CCAR1: variants seen among roughly 807,000 people sequenced by gnomAD.
The protein encoded by CCAR1 is cell division cycle and apoptosis regulator 1, also known as cell division cycle and apoptosis regulator protein 1.
A neutral mutation model predicts 163.8 loss-of-function variants in CCAR1; 78 were observed. That is an observed-to-expected ratio of 0.48 (90% CI 0.40 to 0.57). The LOEUF is 0.57. Ranked by LOEUF, CCAR1 falls within the 20% of genes least tolerant of loss-of-function variation. CCAR1 has a pLI of 0.00. For synonymous variants in CCAR1, 443 were observed against 460.7 expected, an observed-to-expected ratio of 0.96 and a Z score of 0.49; for missense variants, 1,019 against 1,365.2, an observed-to-expected ratio of 0.75 and a Z score of 4.00.
At chr10:68,740,210 C>T (rs1188660183) in intron 4 of CCAR1, among the ~76,000 whole-genome samples, 1 of 152,026 alleles carries the variant, frequency 6.6e-6, no homozygotes, top group Non-Finnish European at 1.5e-5. Context: ...GATGCTATTC[C>T]TGGGAAATAA....
At chr10:68,752,626 T>G (rs758338834) in intron 10 of CCAR1, among the ~76,000 whole-genome samples, 7 of 152,106 alleles carry the variant, frequency 4.6e-5, no homozygotes, top group Admixed American at 2.0e-4. Flanking sequence ...AATCCAGCAC[T>G]TTAGGAGGCT....
In CCAR1 at chr10:68,753,919, G is replaced by T; in HGVS notation, c.1186G>T (p.Asp396Tyr). ...QNLYIPSDFF[D>Y]AQFTWVDAFP... ...TTTGTATATACCTAGTGACTTTTTT[G>T]ATGCTCAATTTACATGGGTGGATGC... is the stretch of plus-strand genomic sequence containing the variant. Residue 396 changes from aspartate (D) to tyrosine (Y), a missense_variant, in exon 11 of 25, where the codon GAT becomes TAT. This residue lies in a region of CCAR1 where 644 missense variants were observed against 904.4 expected (regional missense o/e 0.71). Coordinates refer to ENST00000265872, the MANE Select transcript of CCAR1 (RefSeq NM_018237.4). The T allele has an allele frequency of 1.2e-6, 2 of 1,613,954 alleles. No homozygotes were observed. Among genetic ancestry groups the T allele is most frequent in the Admixed American group, 1.7e-5 (1 of 59,986 alleles).
intron 16 of CCAR1, 126 bp from the exon 17 acceptor site, chr10:68,765,762 C>A (rs772270172): frequency 2.1e-4 from 138 of 645,732 alleles, no homozygotes; most frequent in Non-Finnish European, 3.2e-4. Flanking sequence ...GTATAAGTAC[C>A]ATGAAGAGTC....
In CCAR1 at chr10:68,755,423, G is replaced by T. The variant is rs773008834; in HGVS notation, c.1512G>T (p.Trp504Cys). The T allele has an allele frequency of 6.2e-7, 1 of 1,614,160 alleles. No individual in the cohort carries two copies. The change falls in exon 13 of 25, where the codon TGG (tryptophan) becomes TGT (cysteine). Residue 504 changes from tryptophan to cysteine, a missense_variant. Transcript: ENST00000265872. ...KDEAMAIGGH[W>C]SPSLDGPDPE... ...AAGCTATGGCCATTGGAGGCCACTGGTCTCCTTCGTTGGATGGACCAGACC... is the reference window on the plus strand; with the variant it reads ...AAGCTATGGCCATTGGAGGCCACTGTTCTCCTTCGTTGGATGGACCAGACC...
intron 2 of CCAR1, among the ~76,000 whole-genome samples, chr10:68,731,953 A>G (rs1387783033): frequency 6.6e-6 from 1 of 152,152 alleles, no homozygotes; most frequent in African/African-American, 2.4e-5. Flanking sequence ...AAGTGTGGGT[A>G]TTGGATGTCA....
chr10:68,787,720 A>G, intron 21 of CCAR1: 1 of 414,924 alleles, frequency 2.4e-6, no homozygotes, highest in Non-Finnish European at 4.3e-6. Context: ...CTGTAATACC[A>G]GCTACTCTGG....
At chr10:68,737,721 C>T (rs1379176991) in intron 3 of CCAR1, 124 bp from the exon 4 acceptor site, 3 of 454,692 alleles carry the variant, frequency 6.6e-6, no homozygotes, top group Admixed American at 8.3e-5. Flanking sequence ...TGAATCAATG[C>T]CACACCAGAA....
intron 2 of CCAR1, among the ~76,000 whole-genome samples, chr10:68,730,562 T>C (rs2056023295): frequency 6.6e-6 from 1 of 151,850 alleles, no homozygotes; most frequent in African/African-American, 2.4e-5. Flanking sequence ...GGTTTCGATC[T>C]CTTCACCTTG....
At chr10:68,755,337 A>G in intron 12 of CCAR1, 33 bp from the exon 13 acceptor site, 1 of 1,583,256 alleles carries the variant, frequency 6.3e-7, no homozygotes. Flanking sequence ...CAGGGTGCGT[A>G]ATATATGTAA....
At chr10:68,743,226 TCA>T (rs1458765602) in intron 6 of CCAR1, among the ~76,000 whole-genome samples, 1 of 150,244 alleles carries the variant, frequency 6.7e-6, no homozygotes, top group African/African-American at 2.4e-5. Context: ...AGACAGCGCC[TCA>T]CTCTGTAACT....
intron 16 of CCAR1, among the ~76,000 whole-genome samples, chr10:68,763,150 T>TTTAC (rs1414322687): frequency 1.3e-5 from 2 of 152,016 alleles, no homozygotes; most frequent in African/African-American, 4.8e-5. Flanking sequence ...ACTTTATTTG[T>TTTAC]TTATTTATTT....
intron 12 of CCAR1, 36 bp downstream of exon 12, chr10:68,754,863 T>G (rs1426953671): frequency 2.6e-6 from 3 of 1,133,430 alleles, no homozygotes; most frequent in African/African-American, 3.1e-5. Flanking sequence ...TTAGATGTAT[T>G]CACTTTGCTT....
Position 68,781,002 on chromosome 10 carries a change from C to T in CCAR1, c.2651-5134C>T, listed in dbSNP as rs1351518487. Among the ~76,000 whole-genome samples, 28 of 151,468 alleles carry T rather than the reference C, an allele frequency of 1.8e-4. No individual in the cohort carries two copies. The East Asian group carries it at 4.9e-3, about 26-fold the overall frequency. The stretch of plus-strand genomic sequence containing the variant: ...ATCCCAGCACTTTGGGAGGCTGAGG[C>T]GGGTGGATCATTTGAGGTTAGGAGT... On this transcript the variant is annotated intron_variant, in intron 19 of 24. Coordinates refer to ENST00000265872, the MANE Select transcript of CCAR1 (RefSeq NM_018237.4).
At chr10:68,774,956 T>C (rs2056646134) in intron 19 of CCAR1, 1 of 392,040 alleles carries the variant, frequency 2.6e-6, no homozygotes, top group Non-Finnish European at 4.8e-6. Flanking sequence ...TTACAGTTTG[T>C]GTCTCTGGCA....
chr10:68,791,200 C>T lies in CCAR1; in HGVS notation c.3394-7C>T, dbSNP rs1255132073. On this transcript the variant is annotated splice_polypyrimidine_tract_variant and splice_region_variant and intron_variant, in intron 24 of 24. Coordinates refer to ENST00000265872, the MANE Select transcript of CCAR1 (RefSeq NM_018237.4). ...AATGTATTTTTTCCTTCTCTATTGT[C>T]TTATAGGATAATGTAAAGAATGAAG... is the stretch of plus-strand genomic sequence containing the variant. The T allele has an allele frequency of 2.3e-5, 36 of 1,533,464 alleles. No homozygotes were observed. The Admixed American group carries it at 5.7e-4, about 24-fold the overall frequency. The allele number at this position is 1,533,464 out of a possible 1,614,324, so 95.0% of individuals were successfully genotyped here.
At chr10:68,760,889 AAAAAC>A (rs1358409849) in intron 15 of CCAR1, 113 bp from the exon 16 acceptor site, 2 of 418,192 alleles carry the variant, frequency 4.8e-6, no homozygotes, top group Non-Finnish European at 8.5e-6. Context: ...CAAAAAAAAA[AAAAAC>A]ACACAAAATA....
At chr10:68,723,288 A>ATT (rs71474434) in intron 2 of CCAR1, among the ~76,000 whole-genome samples, 17,066 of 138,326 alleles carry the variant, frequency 0.12, 1,089 homozygotes, top group East Asian at 0.24. Context: ...CGCCCGGCTA[A>ATT]TTTTTTTTTT....
At position 68,771,541 on chromosome 10, in the gene CCAR1, A is replaced by G. The variant is rs2056602391; in HGVS notation, c.2538+96A>G. 1.3e-5 allele frequency: 14 copies of G among 1,101,790 alleles called. No homozygotes were observed. The South Asian group carries it at 2.2e-4, about 17-fold the overall frequency. 68.3% of individuals were successfully genotyped at this position (1,101,790 alleles called of 1,614,324 possible). ...CATCAGAATATTAGATGTAAAAGCC[A>G]AACTGAAAGATTTTACTATATTAGA... On this transcript the variant is annotated intron_variant, in intron 18 of 24. Transcript: ENST00000265872.
rs193235383 is a variant in CCAR1 at position 68,764,340 on chromosome 10, T to C, written c.2107-1548T>C. 3.3e-3 allele frequency among the ~76,000 whole-genome samples: 499 copies of C among 151,840 alleles called. 7 individuals carry two copies. Among genetic ancestry groups the C allele is most frequent in the Non-Finnish European group, 8.1e-4 (55 of 67,974 alleles). On this transcript the variant is annotated intron_variant, in intron 16 of 24. Coordinates refer to ENST00000265872, the MANE Select transcript of CCAR1 (RefSeq NM_018237.4). ...AAAAGAGTGCTTTAGAACTGAATTG[T>C]TCAGGATAGATGGAGACAACTTCGT...
Sources: allele counts gnomAD v4.1 joint callset (sites outside exome capture counted in the v4.1 genomes callset), GRCh38; gene constraint gnomAD v4.1.1; regional missense constraint gnomAD v4.1.1; transcripts MANE v1.5; gene names NCBI Gene and HGNC (gene_info 2026-07-23, HGNC 2026-07-21).